The following DEAF1 variants were observed in gnomAD, a reference collection of about 807,000 sequenced individuals.
DEAF1 encodes DEAF1 transcription factor.
In DEAF1, 53 loss-of-function variants were observed where a neutral mutation model predicts 58.9. The ratio of observed to expected loss-of-function variants is 0.90; its 90% CI spans 0.72 to 1.13. DEAF1 has a LOEUF of 1.13. DEAF1 is among the 50% of genes most tolerant of loss of function. The pLI is 0.00. For synonymous variants in DEAF1, 385 were observed against 340.4 expected (o/e 1.13, Z -1.44); for missense variants, 685 against 791.4 (o/e 0.87, Z 1.61).
chr11:691,642 A>G, intron 1 of DEAF1, 44 bp from the exon 2 acceptor site: 1 of 1,569,612 alleles, frequency 6.4e-7, no homozygotes, highest in Non-Finnish European at 8.7e-7. Context: ...AAAAGCCAGA[A>G]TGGACAAAGC....
chr11:700,151 G>C (rs1413911055), upstream of DEAF1: 1 of 1,614,110 alleles, frequency 6.2e-7, no homozygotes, highest in Admixed American at 1.7e-5. Flanking sequence ...GCTCTCTTCA[G>C]TTCCCCTTCA....
chr11:700,957 G>C, intron 1 of DEAF1: 1 of 543,646 alleles, frequency 1.8e-6, no homozygotes, highest in South Asian at 2.1e-5. Flanking sequence ...TCTTGTAGAA[G>C]CCACTGGGTA....
chr11:651,414 G>GAAAAA, intron 11 of DEAF1: 3 of 234,324 alleles, frequency 1.3e-5, no homozygotes, highest in Admixed American at 6.3e-5. Flanking sequence ...ATCTCTGTAA[G>GAAAAA]AAAAAAAAAA....
chr11:647,611 C>CT (rs1468667353), intron 11 of DEAF1, among the ~76,000 whole-genome samples: 1 of 152,192 alleles, frequency 6.6e-6, no homozygotes, highest in African/African-American at 2.4e-5. Context: ...GTGGGGCTTG[C>CT]TTTAAAATGC....
chr11:653,475 A>C (rs111864780), intron 11 of DEAF1, among the ~76,000 whole-genome samples: 1 of 88,080 alleles, frequency 1.1e-5, no homozygotes, highest in Non-Finnish European at 2.1e-5. Context: ...CAATAATAGA[A>C]GAACTGTGGA....
chr11:652,822 C>T (rs1473644889), intron 11 of DEAF1, among the ~76,000 whole-genome samples: 2 of 151,806 alleles, frequency 1.3e-5, no homozygotes, highest in African/African-American at 4.8e-5. Context: ...GTAGCTCACA[C>T]CTCTAAATCC....
At chr11:704,405 C>A in intron 1 of DEAF1, 1 of 1,262,922 alleles carries the variant, frequency 7.9e-7, no homozygotes, top group Non-Finnish European at 1.0e-6. Context: ...CCCAGTTGTC[C>A]TGGGCCGACT....
intron 10 of DEAF1, among the ~76,000 whole-genome samples, chr11:655,249 G>A (rs952571758): frequency 1.6e-4 from 25 of 152,176 alleles, no homozygotes; most frequent in Admixed American, 3.9e-4. Flanking sequence ...CTGCTGCGGC[G>A]GTGCCCCAGC....
chr11:695,521 T>A, upstream of DEAF1: 1 of 1,029,786 alleles, frequency 9.7e-7, no homozygotes, highest in Non-Finnish European at 1.2e-6. Context: ...GAGAGCTTAG[T>A]GCCGCGGGTT....
intron 10 of DEAF1, among the ~76,000 whole-genome samples, chr11:655,431 A>G (rs1858993248): frequency 6.6e-6 from 1 of 152,270 alleles, no homozygotes; most frequent in Non-Finnish European, 1.5e-5. Context: ...AAGGTGCTTG[A>G]CAGTTGTGAG....
At chr11:665,174 G>A (rs918278036) in intron 10 of DEAF1, among the ~76,000 whole-genome samples, 1 of 121,576 alleles carries the variant, frequency 8.2e-6, no homozygotes, top group Admixed American at 8.0e-5. Flanking sequence ...TATTCACACC[G>A]AGAGGAGAAG....
At chr11:682,358 C>T (rs1378800917) in intron 6 of DEAF1, among the ~76,000 whole-genome samples, 1 of 152,210 alleles carries the variant, frequency 6.6e-6, no homozygotes, top group Non-Finnish European at 1.5e-5. Context: ...ATGGGTTCTT[C>T]GCTGTGGCTT....
intron 10 of DEAF1, among the ~76,000 whole-genome samples, chr11:663,300 T>C (rs995504782): frequency 2.6e-5 from 4 of 152,120 alleles, no homozygotes; most frequent in Non-Finnish European, 4.4e-5. Context: ...ATACAAAAAT[T>C]AGCCAGACGT....
chr11:666,013 G>A (rs1859507436), intron 10 of DEAF1: 1 of 152,208 alleles, frequency 6.6e-6, no homozygotes, highest in Non-Finnish European at 1.5e-5. Flanking sequence ...TGAAGACCGA[G>A]AACACTGAGC....
intron 10 of DEAF1, among the ~76,000 whole-genome samples, chr11:657,857 G>T (rs960416183): frequency 2.0e-5 from 3 of 152,210 alleles, no homozygotes; most frequent in African/African-American, 7.2e-5. Flanking sequence ...GACCGTCACA[G>T]GCCTGAGGGT....
intron 1 of DEAF1, among the ~76,000 whole-genome samples, chr11:705,923 GC>G (rs1783588690): frequency 6.6e-6 from 1 of 152,324 alleles, no homozygotes; most frequent in Non-Finnish European, 1.5e-5. Context: ...GCGGCCCTGC[GC>G]CCCGCCTGTC....
chr11:653,108 AAAG>A (rs1858861246), intron 11 of DEAF1, among the ~76,000 whole-genome samples: 2 of 151,034 alleles, frequency 1.3e-5, no homozygotes, highest in Admixed American at 6.6e-5. Flanking sequence ...AAAAAAAAAA[AAAG>A]AGTGACTAAA....
intron 11 of DEAF1, among the ~76,000 whole-genome samples, chr11:652,781 A>G (rs1858838735): frequency 1.3e-5 from 2 of 152,066 alleles, no homozygotes; most frequent in Non-Finnish European, 2.9e-5. Flanking sequence ...AAAAAAAACC[A>G]TCAAAAAGAT....
intron 10 of DEAF1, among the ~76,000 whole-genome samples, chr11:670,419 T>A (rs758310219): frequency 0.031 from 3,365 of 110,134 alleles, 50 homozygotes; most frequent in Middle Eastern, 0.049. Flanking sequence ...TTTTTTTTTT[T>A]AAAGTATTTT....
Sources: gnomAD v4.1 joint callset for allele counts (sites outside exome capture counted in the v4.1 genomes callset) on GRCh38, gnomAD v4.1.1 for gene constraint, MANE v1.5 for transcripts, NCBI Gene and HGNC (gene_info 2026-07-23, HGNC 2026-07-21) for gene names.